The following RAP1B variants were observed in gnomAD, a reference collection of about 807,000 sequenced individuals.
The protein encoded by RAP1B is RAP1B, member of RAS oncogene family.
A neutral mutation model predicts 27.5 loss-of-function variants in RAP1B; 1 was observed. That is an observed-to-expected ratio of 0.04 (90% CI 0.01 to 0.17). The LOEUF is 0.17. Among genes scored for constraint, RAP1B ranks in the 10% least tolerant of loss-of-function variants. RAP1B has a pLI of 1.00. For missense variants in RAP1B, 84 were observed against 214.8 expected, an observed-to-expected ratio of 0.39 and a Z score of 3.81; for synonymous variants, 75 against 73.1, an observed-to-expected ratio of 1.03 and a Z score of -0.13.
chr12:68,626,793 T>G, intron 1 of RAP1B: 6 of 1,314,258 alleles, frequency 4.6e-6, no homozygotes, highest in Non-Finnish European at 6.3e-6. Flanking sequence ...TTGTTGTTTG[T>G]TTGTTTGTTT....
chr12:68,648,481 G>T (rs1418579264), intron 1 of RAP1B, among the ~76,000 whole-genome samples: 2 of 152,130 alleles, frequency 1.3e-5, no homozygotes, highest in African/African-American at 4.8e-5. Context: ...TCAGACCTGT[G>T]CTCTATCCTG....
Position 68,652,081 on chromosome 12 carries a change from C to T in RAP1B, c.183+30C>T, listed in dbSNP as rs757527920. ...GTAAAACTAAATACCAAAGTATATA[C>T]ACCGTTTGTACAGTATTGACTTCAT... On this transcript the variant is annotated intron_variant, in intron 4 of 7. Coordinates refer to ENST00000250559, the MANE Select transcript of RAP1B (RefSeq NM_001010942.3). 8 of 1,534,556 alleles carry T rather than the reference C, an allele frequency of 5.2e-6. No individual in the cohort carries two copies. The African/African-American group carries it at 6.8e-5, about 13-fold the overall frequency.
chr12:68,643,168 TAGTC>T (rs1249605101), intron 1 of RAP1B, among the ~76,000 whole-genome samples: 2 of 152,226 alleles, frequency 1.3e-5, no homozygotes, highest in Admixed American at 6.5e-5. Flanking sequence ...TACCTTCTAA[TAGTC>T]AGAACTCTTA....
Position 68,669,789 on chromosome 12 carries a change from A to ATTTT in RAP1B, c.*10541_*10542insTTTT, listed in dbSNP as rs1875004414. 6.6e-6 allele frequency: 1 copy of ATTTT among 152,166 alleles called. No homozygotes were observed. Among genetic ancestry groups the ATTTT allele is most frequent in the Admixed American group, 6.6e-5 (1 of 15,242 alleles). The allele number at this position is 152,166 out of a possible 1,614,324, so 9.4% of individuals were successfully genotyped here. ...CACTCCAGCCTGGGTGACAGAGCAA[A>ATTTT]TCTCTATCTCAAGAAAAAGAAAAAA... is the stretch of plus-strand genomic sequence containing the variant. On this transcript the variant is annotated 3_prime_UTR_variant, in exon 8 of 8. Transcript: ENST00000250559.
rs1011487642 is a variant in RAP1B at position 68,664,320 on chromosome 12, T to C, written c.*5071T>C. 1 of 152,234 alleles carries C rather than the reference T, an allele frequency of 6.6e-6. No individual in the cohort carries two copies. Among genetic ancestry groups the C allele is most frequent in the East Asian group, 1.9e-4 (1 of 5,202 alleles). 9.4% of individuals were successfully genotyped at this position (152,234 alleles called of 1,614,324 possible). On this transcript the variant is annotated 3_prime_UTR_variant, in exon 8 of 8. Transcript: ENST00000250559. ...TGGTAGTTATGTCCCCTGTGAGCAC[T>C]AATTTCAGAACAGGAAATTCTATTA... is the stretch of plus-strand genomic sequence containing the variant.
At chr12:68,648,607 T>C (rs1873587274) in intron 1 of RAP1B, 92 bp from the exon 2 acceptor site, 2 of 1,055,184 alleles carry the variant, frequency 1.9e-6, no homozygotes, top group East Asian at 2.6e-5. Flanking sequence ...TCATTTTAAA[T>C]AAATCTATTT....
rs1874260270 is a variant in RAP1B at position 68,657,118 on chromosome 12, G to A, written c.486G>A (p.Val162=). 6.2e-7 allele frequency: 1 copy of A among 1,613,492 alleles called. No homozygotes were observed. Among genetic ancestry groups the A allele is most frequent in the South Asian group, 1.1e-5 (1 of 91,044 alleles). ...ATTTGCAGATCTTTTATGACCTAGT[G>A]CGGCAAATTAACAGAAAAACTCCAG... ...INVNEIFYDL[V]RQINRKTPVP... is the part of the protein sequence containing the mutation. The change falls in exon 7 of 8, where the codon GTG becomes GTA. Residue 162 remains valine, a synonymous_variant. Coordinates refer to ENST00000250559, the MANE Select transcript of RAP1B (RefSeq NM_001010942.3).
intron 2 of RAP1B, chr12:68,649,788 T>C (rs1565671679): frequency 6.6e-6 from 1 of 152,238 alleles, no homozygotes; most frequent in African/African-American, 2.4e-5. Context: ...AATTAGTCAA[T>C]TTCTAATTTA....
intron 6 of RAP1B, 176 bp downstream of exon 6, chr12:68,656,625 A>T (rs985621331): frequency 1.6e-5 from 10 of 640,026 alleles, no homozygotes; most frequent in Non-Finnish European, 2.7e-5. Flanking sequence ...ATACTATTTC[A>T]GTCTCTATTA....
intron 1 of RAP1B, among the ~76,000 whole-genome samples, chr12:68,628,681 T>C (rs1194568397): frequency 6.6e-6 from 1 of 152,220 alleles, no homozygotes. Flanking sequence ...AGATCCAAGC[T>C]TTTCATGAAT....
At position 68,652,065 on chromosome 12, in the gene RAP1B, A is replaced by T; in HGVS notation, c.183+14A>T. ...ACTGCAGGAACGGTAGGTAAAACTA[A>T]ATACCAAAGTATATACACCGTTTGT... On this transcript the variant is annotated intron_variant, in intron 4 of 7. Coordinates refer to ENST00000250559, the MANE Select transcript of RAP1B (RefSeq NM_001010942.3). The T allele has an allele frequency of 6.3e-7, 1 of 1,592,356 alleles. No individual in the cohort carries two copies. Among genetic ancestry groups the T allele is most frequent in the Non-Finnish European group, 8.6e-7 (1 of 1,160,416 alleles).
intron 7 of RAP1B, among the ~76,000 whole-genome samples, chr12:68,658,457 A>G (rs1216228696): frequency 6.6e-6 from 1 of 152,210 alleles, no homozygotes; most frequent in Non-Finnish European, 1.5e-5. Flanking sequence ...ATTTGTGAAA[A>G]TTATTTCAAC....
At chr12:68,631,330 A>G (rs1055334532) in intron 1 of RAP1B, among the ~76,000 whole-genome samples, 12 of 152,150 alleles carry the variant, frequency 7.9e-5, no homozygotes, top group Admixed American at 1.3e-4. Context: ...TTCGCCAAAA[A>G]ATTACCACAT....
chr12:68,611,221 G>T (rs947454211), intron 1 of RAP1B, among the ~76,000 whole-genome samples, 178 bp downstream of exon 1: 3 of 147,168 alleles, frequency 2.0e-5, no homozygotes. Flanking sequence ...CCAGGCGCCG[G>T]GCCCGCGAGC....
intron 1 of RAP1B, among the ~76,000 whole-genome samples, chr12:68,618,100 T>TTTTC (rs1871148619): frequency 7.1e-6 from 1 of 141,318 alleles, no homozygotes; most frequent in Non-Finnish European, 1.5e-5. Context: ...TTTTTTTTTT[T>TTTTC]TTTTTTTTTT....
chr12:68,646,606 G>C (rs1873429084), intron 1 of RAP1B, among the ~76,000 whole-genome samples: 2 of 152,112 alleles, frequency 1.3e-5, no homozygotes, highest in Non-Finnish European at 2.9e-5. Context: ...CTAGTTTTTA[G>C]AACACTTCCA....
chr12:68,622,070 A>T (rs1187099142), intron 1 of RAP1B, among the ~76,000 whole-genome samples: 3 of 152,242 alleles, frequency 2.0e-5, no homozygotes, highest in Admixed American at 6.5e-5. Context: ...AGTGGTGGTA[A>T]CATTGACCTA....
chr12:68,662,034 T>TATA lies in RAP1B; in HGVS notation c.*2786_*2788dup, dbSNP rs1874626000. Reference sequence around the variant, plus strand: ...TATATATATATATATATATATATATTATATATAGTACATATATAGAGAGAG... The same window carrying TATA: ...TATATATATATATATATATATATATTATAATATATAGTACATATATAGAGAGAG... On this transcript the variant is annotated 3_prime_UTR_variant, in exon 8 of 8. Transcript: ENST00000250559. 15 of 127,800 alleles carry TATA rather than the reference T, an allele frequency of 1.2e-4. No individual in the cohort carries two copies. Among genetic ancestry groups the TATA allele is most frequent in the Non-Finnish European group, 1.9e-4 (11 of 57,308 alleles). The allele number at this position is 127,800 out of a possible 1,614,324, so 7.9% of individuals were successfully genotyped here.
chr12:68,629,006 A>G lies in RAP1B; in HGVS notation c.-27+17963A>G, dbSNP rs1031886928. 6.8e-5 allele frequency among the ~76,000 whole-genome samples: 10 copies of G among 146,828 alleles called. No individual in the cohort carries two copies. In the Admixed American group the frequency reaches 6.9e-4, roughly 10 times the overall value. On this transcript the variant is annotated intron_variant, in intron 1 of 7. Coordinates refer to ENST00000250559, the MANE Select transcript of RAP1B (RefSeq NM_001010942.3). ...TTTATCTCTTTTTATTTATTTATTT[A>G]TCTTCTATCTGTCTGTCTGTCTGTC...
Sources: gnomAD v4.1 joint callset for allele counts (sites outside exome capture counted in the v4.1 genomes callset) on GRCh38, gnomAD v4.1.1 for gene constraint, MANE v1.5 for transcripts, NCBI Gene and HGNC (gene_info 2026-07-23, HGNC 2026-07-21) for gene names.